Variants in COL4A5 observed in about 807,000 individuals in gnomAD.
COL4A5 encodes collagen alpha-5(IV) chain.
Under a neutral mutation model 130.2 loss-of-function variants are expected in COL4A5, and 26 were observed. The observed-to-expected ratio is 0.20, with a 90% CI of 0.15 to 0.28. The LOEUF is 0.28. Among genes scored for constraint, COL4A5 ranks in the 10% least tolerant of loss-of-function variants. COL4A5 has a pLI of 1.00. For missense variants in COL4A5, 1,131 were observed against 1,344.3 expected, an observed-to-expected ratio of 0.84 and a Z score of 2.48; for synonymous variants, 496 against 439.6, an observed-to-expected ratio of 1.13 and a Z score of -1.60.
intron 40 of COL4A5, 129 bp downstream of exon 40, chrX:108,667,312 G>T: frequency 5.2e-6 from 3 of 571,471 alleles, no homozygotes; most frequent in South Asian, 2.9e-5. Context: ...CTCAAACCTA[G>T]TGTTAACGTT....
intron 1 of COL4A5, among the ~76,000 whole-genome samples, chrX:108,506,666 G>A (rs143379825): frequency 0.039 from 4,375 of 110,955 alleles, 211 homozygotes; most frequent in African/African-American, 0.14. Flanking sequence ...ATATTTGCTC[G>A]CCCACCACTC....
chrX:108,685,486 A>G (rs1400926952), intron 47 of COL4A5, among the ~76,000 whole-genome samples: 1 of 112,393 alleles, frequency 8.9e-6, no homozygotes, highest in Non-Finnish European at 1.9e-5. Flanking sequence ...TGAAATGAAA[A>G]TGCATTTAAG....
At chrX:108,681,047 G>A (rs2068417098) in intron 46 of COL4A5, 91 bp downstream of exon 46, 3 of 798,810 alleles carry the variant, frequency 3.8e-6, no homozygotes, top group Admixed American at 2.4e-5. Context: ...CCAGACCATC[G>A]GAGGCTAAGT....
At chrX:108,546,834 C>T (rs1480392907) in intron 2 of COL4A5, among the ~76,000 whole-genome samples, 2 of 111,591 alleles carry the variant, frequency 1.8e-5, no homozygotes, top group Non-Finnish European at 3.8e-5. Flanking sequence ...CTCTAAACTT[C>T]TCTTCTCACT....
intron 6 of COL4A5, among the ~76,000 whole-genome samples, chrX:108,569,841 AG>A (rs1414803005): frequency 9.1e-6 from 1 of 109,811 alleles, no homozygotes; most frequent in African/African-American, 3.3e-5. Context: ...CACAATGCCC[AG>A]CTAATTGTTT....
At position 108,580,973 on chromosome X, in the gene COL4A5, T is replaced by A. The variant is rs752890610; in HGVS notation, c.892-10T>A. 2 of 1,201,851 alleles carry A rather than the reference T, an allele frequency of 1.7e-6. No homozygotes were observed. The highest frequency in any genetic ancestry group is 3.5e-5 in the African/African-American group (2 of 56,931). On this transcript the variant is annotated splice_polypyrimidine_tract_variant and intron_variant, in intron 15 of 52. Transcript: ENST00000328300. ...ATGTTGTTGCCCTATCATTTCTTTG[T>A]ATCCTATAGGGTAAACCAGGCAAAG... is the stretch of plus-strand genomic sequence containing the variant.
intron 31 of COL4A5, among the ~76,000 whole-genome samples, chrX:108,621,179 G>T (rs1288725897): frequency 1.1e-5 from 1 of 89,626 alleles, no homozygotes; most frequent in Non-Finnish European, 2.1e-5. Context: ...TTGAGACAGG[G>T]TCTCACTCTG....
chrX:108,536,543 A>G (rs1412364440), intron 1 of COL4A5, among the ~76,000 whole-genome samples: 1 of 111,015 alleles, frequency 9.0e-6, no homozygotes, highest in East Asian at 2.8e-4. Flanking sequence ...GAGGTACTTA[A>G]TGTTCATTTT....
intron 2 of COL4A5, among the ~76,000 whole-genome samples, chrX:108,542,320 A>C (rs1332350382): frequency 1.0e-5 from 1 of 97,239 alleles, no homozygotes; most frequent in Admixed American, 1.2e-4. Context: ...AAGTGTTCTC[A>C]TTGTTCAATT....
At chrX:108,588,224 T>C (rs1159303698) in intron 19 of COL4A5, among the ~76,000 whole-genome samples, 1 of 111,281 alleles carries the variant, frequency 9.0e-6, no homozygotes, top group Non-Finnish European at 1.9e-5. Flanking sequence ...CTGGCACACA[T>C]ACATATTCAA....
At chrX:108,662,882 T>TA (rs1361395658) in intron 37 of COL4A5, among the ~76,000 whole-genome samples, 1 of 111,845 alleles carries the variant, frequency 8.9e-6, no homozygotes, top group African/African-American at 3.3e-5. Flanking sequence ...ATGGAACCAA[T>TA]AAAGAGCCCG....
chrX:108,625,314 C>T (rs922463718), intron 34 of COL4A5, among the ~76,000 whole-genome samples: 3 of 111,579 alleles, frequency 2.7e-5, no homozygotes, highest in Non-Finnish European at 3.8e-5. Context: ...CATATAATCA[C>T]GCTCTACATG....
intron 1 of COL4A5, among the ~76,000 whole-genome samples, chrX:108,459,147 CA>C (rs2064617339): frequency 9.0e-6 from 1 of 110,794 alleles, no homozygotes; most frequent in Non-Finnish European, 1.9e-5. Flanking sequence ...TATAGAAATA[CA>C]ACTGATTTTT....
intron 2 of COL4A5, among the ~76,000 whole-genome samples, chrX:108,541,696 A>G (rs987395239): frequency 6.2e-5 from 7 of 112,480 alleles, no homozygotes; most frequent in Non-Finnish European, 1.3e-4. Context: ...TTATAACTAT[A>G]GAGGAAGGTT....
intron 6 of COL4A5, among the ~76,000 whole-genome samples, chrX:108,569,529 T>C (rs1057002879): frequency 2.7e-5 from 3 of 111,319 alleles, no homozygotes; most frequent in Admixed American, 9.6e-5. Flanking sequence ...TCTTATTCCC[T>C]CCCCTTTCTC....
At chrX:108,611,639 T>C (rs2066837201) in intron 29 of COL4A5, among the ~76,000 whole-genome samples, 1 of 111,157 alleles carries the variant, frequency 9.0e-6, no homozygotes, top group Non-Finnish European at 1.9e-5. Flanking sequence ...ATCTATTTTT[T>C]TAAAAATTGA....
chrX:108,538,593 G>T (rs2065488230), intron 1 of COL4A5, among the ~76,000 whole-genome samples: 1 of 111,357 alleles, frequency 9.0e-6, no homozygotes, highest in South Asian at 3.8e-4. Context: ...TAGAGTAAAG[G>T]AAATCATGGA....
chrX:108,457,385 G>T lies in COL4A5; in HGVS notation c.81+17179G>T, dbSNP rs897090662. Among the ~76,000 whole-genome samples, 5 of 111,871 alleles carry T rather than the reference G, an allele frequency of 4.5e-5. No individual in the cohort carries two copies. In the Admixed American group the frequency reaches 4.7e-4, roughly 11 times the overall value. On this transcript the variant is annotated intron_variant, in intron 1 of 52. Coordinates refer to ENST00000328300, the MANE Select transcript of COL4A5 (RefSeq NM_033380.3). ...ATAAAATGGGTGAATTTTACAGTAT[G>T]TTAATCATACCGTAAGAAAAATAAT...
intron 30 of COL4A5, among the ~76,000 whole-genome samples, chrX:108,618,610 G>A (rs968787364): frequency 6.3e-5 from 7 of 111,489 alleles, no homozygotes; most frequent in Admixed American, 9.6e-5. Context: ...CTAAGCAAAT[G>A]CCTAAAATAA....
Sources: allele counts gnomAD v4.1 joint callset (sites outside exome capture counted in the v4.1 genomes callset), GRCh38; gene constraint gnomAD v4.1.1; transcripts MANE v1.5; gene names NCBI Gene and HGNC (gene_info 2026-07-23, HGNC 2026-07-21).